The following SREBF1 variants were observed in gnomAD, a reference collection of about 807,000 sequenced individuals.
SREBF1 encodes sterol regulatory element-binding protein 1.
In SREBF1, 45 loss-of-function variants were observed where a neutral mutation model predicts 100.1. The observed-to-expected ratio is 0.45, with a 90% CI of 0.35 to 0.58. The LOEUF is 0.58. Among genes scored for constraint, SREBF1 ranks in the 20% least tolerant of loss-of-function variants. The pLI is 0.00. For missense variants in SREBF1, 1,324 were observed against 1,539.4 expected (o/e 0.86, Z 2.34); for synonymous variants, 657 against 681.8 (o/e 0.96, Z 0.57).
In SREBF1 at chr17:17,811,679, G is replaced by C. The variant is rs774476925; in HGVS notation, c.*943C>G. ...CTGTGAGATGACCAGGGGCCGGGATGGGGGAGGTGAGACGTGCCAGACTTC... is the reference window on the plus strand; with the variant it reads ...CTGTGAGATGACCAGGGGCCGGGATCGGGGAGGTGAGACGTGCCAGACTTC... On this transcript the variant is annotated 3_prime_UTR_variant, in exon 19 of 19. Coordinates refer to ENST00000261646, the MANE Select transcript of SREBF1 (RefSeq NM_004176.5). 4 of 453,214 alleles carry C rather than the reference G, an allele frequency of 8.8e-6. No individual in the cohort carries two copies. The highest frequency in any genetic ancestry group is 1.8e-5 in the Non-Finnish European group (4 of 225,688). The allele number at this position is 453,214 out of a possible 1,614,324, so 28.1% of individuals were successfully genotyped here.
At position 17,814,839 on chromosome 17, in the gene SREBF1, G is replaced by C; in HGVS notation, c.2598C>G (p.Thr866=). 6.3e-7 allele frequency: 1 copy of C among 1,596,794 alleles called. No homozygotes were observed. Among genetic ancestry groups the C allele is most frequent in the Non-Finnish European group, 8.5e-7 (1 of 1,172,342 alleles). ...GGACAGGGGCCGGGGACTCACCGGT[G>C]GTGGTGGCCATGCTGGAACTGATGG... The part of the protein sequence containing the change: ...SFSISSSMAT[T]TGVDPVAKWW... The change falls in exon 14 of 19, where the codon ACC becomes ACG. Residue 866 remains threonine, a synonymous_variant. Coordinates refer to ENST00000261646, the MANE Select transcript of SREBF1 (RefSeq NM_004176.5).
intron 1 of SREBF1, among the ~76,000 whole-genome samples, chr17:17,836,220 C>A (rs1316031428): frequency 6.6e-6 from 1 of 152,246 alleles, no homozygotes; most frequent in Non-Finnish European, 1.5e-5. Context: ...CCGTCGCAGA[C>A]CGGGAGAACC....
chr17:17,814,019 A>AT (rs1405794600), intron 16 of SREBF1: 2 of 654,216 alleles, frequency 3.1e-6, no homozygotes, highest in Non-Finnish European at 5.2e-6. Flanking sequence ...CTACCACACC[A>AT]TCCACCCCCC....
intron 1 of SREBF1, chr17:17,820,883 G>A (rs2034047947): frequency 1.0e-4 from 37 of 359,674 alleles, no homozygotes; most frequent in South Asian, 9.0e-4. Flanking sequence ...TCCGGTATTT[G>A]CCCAAACATC....
At chr17:17,815,502 C>A in intron 12 of SREBF1, 173 bp from the exon 13 acceptor site, 1 of 612,860 alleles carries the variant, frequency 1.6e-6, no homozygotes, top group East Asian at 2.8e-5. Context: ...ACATAACTAT[C>A]ACCAGCACCA....
At chr17:17,836,556 C>A (rs2035250167) in intron 1 of SREBF1, among the ~76,000 whole-genome samples, 171 bp downstream of exon 1, 1 of 152,184 alleles carries the variant, frequency 6.6e-6, no homozygotes, top group African/African-American at 2.4e-5. Context: ...AGCGCGGGAA[C>A]CAGGGAGGCT....
chr17:17,818,861 T>G, intron 5 of SREBF1, 152 bp downstream of exon 5: 2 of 871,936 alleles, frequency 2.3e-6, no homozygotes, highest in East Asian at 2.6e-5. Context: ...CCAGTTTAAC[T>G]AAATAAACGA....
chr17:17,818,556 G>A, intron 5 of SREBF1, 182 bp from the exon 6 acceptor site: 1 of 635,654 alleles, frequency 1.6e-6, no homozygotes, highest in Non-Finnish European at 2.9e-6. Flanking sequence ...CCCAGGCCGG[G>A]CATAGGGTTA....
intron 5 of SREBF1, 141 bp from the exon 6 acceptor site, chr17:17,818,515 T>C (rs1312860648): frequency 1.5e-6 from 1 of 687,580 alleles, no homozygotes; most frequent in South Asian, 1.5e-5. Flanking sequence ...TCCTTCTACC[T>C]GAACCGTTCC....
rs2034201796 is a variant in SREBF1, at chr17:17,822,912, G to C, written c.92-2391C>G. ...GTTGGCAGAACAGGATGGGGTGGCA[G>C]CCCCAGTCTTCCTGGCTTCTCAAGT... On this transcript the variant is annotated intron_variant, in intron 1 of 18. Transcript: ENST00000261646. Among the ~76,000 whole-genome samples the C allele has an allele frequency of 2.6e-5, 4 of 152,166 alleles. No individual in the cohort carries two copies. In the South Asian group the frequency reaches 8.3e-4, roughly 31 times the overall value.
Position 17,819,661 on chromosome 17 carries a change from G to C in SREBF1, c.588C>G (p.Val196=), listed in dbSNP as rs771640474. The part of the protein sequence containing the change: ...PGLPLASPPG[V]PPVSLHTQVQ... ...CCTGGGTGTGCAAGGAGACGGGCGG[G>C]ACCCCTGGCGGGGAAGCCAGTGGCA... Residue 196 remains valine (V), a synonymous_variant, in exon 3 of 19, where the codon GTC becomes GTG. Coordinates refer to ENST00000261646, the MANE Select transcript of SREBF1 (RefSeq NM_004176.5). 6.2e-7 allele frequency: 1 copy of C among 1,612,072 alleles called. No homozygotes were observed. Among genetic ancestry groups the C allele is most frequent in the African/African-American group, 1.3e-5 (1 of 74,928 alleles).
chr17:17,817,272 C>G lies in SREBF1; in HGVS notation c.1590G>C (p.Leu530=). Residue 530 remains leucine (L), a synonymous_variant, in exon 8 of 19, where the codon CTG becomes CTC. Coordinates refer to ENST00000261646, the MANE Select transcript of SREBF1 (RefSeq NM_004176.5). The surrounding 1 kb of genome is among the most constrained non-coding windows in gnomAD (Gnocchi z 6.6). The part of the protein sequence containing the change: ...SVYHSPGRNV[L]GTESRDGPGW... The stretch of plus-strand genomic sequence containing the variant: ...CGGTCCCACCTCTGCTCTCGGTGCC[C>G]AGCACGTTGCGCCCAGGGCTATGGT... The G allele has an allele frequency of 6.2e-7, 1 of 1,608,380 alleles. No individual in the cohort carries two copies. Among genetic ancestry groups the G allele is most frequent in the Non-Finnish European group, 8.5e-7 (1 of 1,178,104 alleles).
intron 13 of SREBF1, 110 bp downstream of exon 13, chr17:17,815,111 G>T: frequency 1.6e-6 from 2 of 1,245,504 alleles, no homozygotes; most frequent in Admixed American, 1.7e-5. Context: ...AAGCGTGCAT[G>T]GCACGCACGG....
At chr17:17,831,075 T>C (rs2034830461) in intron 1 of SREBF1, among the ~76,000 whole-genome samples, 1 of 47,810 alleles carries the variant, frequency 2.1e-5, no homozygotes, top group African/African-American at 8.1e-5. Flanking sequence ...AGAAGGTAAC[T>C]CCCAACCCGG....
At position 17,819,370 on chromosome 17, in the gene SREBF1, C is replaced by G; in HGVS notation, c.796G>C (p.Gly266Arg). The G allele has an allele frequency of 6.2e-7, 1 of 1,613,862 alleles. No homozygotes were observed. Among genetic ancestry groups the G allele is most frequent in the South Asian group, 1.1e-5 (1 of 91,092 alleles). The change falls in exon 4 of 19, where the codon GGT becomes CGT. Residue 266 changes from glycine to arginine, a missense_variant. Coordinates refer to ENST00000261646, the MANE Select transcript of SREBF1 (RefSeq NM_004176.5). Reference protein sequence around the residue: ...KTDGATVKAAGLSPLVSGTTV... With the variant: ...KTDGATVKAARLSPLVSGTTV... ...GTGCCAGAGACCAGGGGACTGAGAC[C>G]TGCCGCCTTCACAGTGGCTCCGTCT...
At position 17,817,797 on chromosome 17, in the gene SREBF1, G is replaced by T; in HGVS notation, c.1303C>A (p.Pro435Thr). Residue 435 changes from proline to threonine, a missense_variant, in exon 7 of 19, where the codon CCT (proline) becomes ACT (threonine). Transcript: ENST00000261646. The surrounding 1 kb of genome is among the most constrained non-coding windows in gnomAD (Gnocchi z 6.6). Reference sequence around the variant, plus strand: ...AGGGACAAGGGGCTGCTCTGGAAAGGTGAGCCAGCATCCGAGGGGGGTGGG... The same window carrying T: ...AGGGACAAGGGGCTGCTCTGGAAAGTTGAGCCAGCATCCGAGGGGGGTGGG... ...LTPPPSDAGS[P>T]FQSSPLSLGS... 6.2e-7 allele frequency: 1 copy of T among 1,613,784 alleles called. No homozygotes were observed. Among genetic ancestry groups the T allele is most frequent in the Non-Finnish European group, 8.5e-7 (1 of 1,180,028 alleles).
chr17:17,813,035 T>C, intron 18 of SREBF1, 184 bp from the exon 19 acceptor site: 1 of 614,188 alleles, frequency 1.6e-6, no homozygotes, highest in Non-Finnish European at 2.9e-6. Flanking sequence ...ACAGACTGAG[T>C]CACGCACGTG....
At chr17:17,822,625 T>C (rs963022060) in intron 1 of SREBF1, among the ~76,000 whole-genome samples, 4 of 152,222 alleles carry the variant, frequency 2.6e-5, no homozygotes, top group African/African-American at 9.6e-5. Context: ...ACAGGACCCA[T>C]GGGGGCCTCC....
intron 5 of SREBF1, 171 bp downstream of exon 5, chr17:17,818,842 G>A: frequency 1.4e-6 from 1 of 738,958 alleles, no homozygotes. Context: ...TATTGAAGAG[G>A]CCTGCAAACC....
Sources: allele counts gnomAD v4.1 joint callset (sites outside exome capture counted in the v4.1 genomes callset), GRCh38; gene constraint gnomAD v4.1.1; non-coding constraint Gnocchi (gnomAD v3.1); transcripts MANE v1.5; gene names NCBI Gene and HGNC (gene_info 2026-07-23, HGNC 2026-07-21).